TUSC3: variants seen among roughly 807,000 people sequenced by gnomAD.
The protein encoded by TUSC3 is tumor suppressor candidate 3, also known as dolichyl-diphosphooligosaccharide--protein glycosyltransferase subunit TUSC3.
Under a neutral mutation model 44.8 loss-of-function variants are expected in TUSC3, and 45 were observed. That is an observed-to-expected ratio of 1.00 (90% CI 0.79 to 1.29). TUSC3 has a LOEUF of 1.29. Ranked by LOEUF, TUSC3 falls within the 50% of genes most tolerant of loss-of-function variation. The probability of loss-of-function intolerance (pLI) is 0.00; values close to 1 mark genes in which losing one functional copy is unlikely to be tolerated. For synonymous variants in TUSC3, 212 were observed against 152.9 expected, an observed-to-expected ratio of 1.39 and a Z score of -2.85; for missense variants, 519 against 437.9, an observed-to-expected ratio of 1.19 and a Z score of -1.65.
intron 2 of TUSC3, among the ~76,000 whole-genome samples, chr8:15,514,593 C>A (rs113357457): frequency 8.5e-5 from 13 of 152,176 alleles, no homozygotes; most frequent in African/African-American, 3.1e-4. Flanking sequence ...ATTCTAGATG[C>A]ATAATTGCAA....
chr8:15,575,381 G>T lies in TUSC3; in HGVS notation c.138+34813G>T, dbSNP rs537381170. ...TCAAGTCAAATGGAATTTTTATGTG[G>T]CAACTAATTTAAATATTAAACTAAA... On this transcript the variant is annotated intron_variant, in intron 1 of 10. Coordinates refer to ENST00000503731, the MANE Select transcript of TUSC3 (RefSeq NM_006765.4). 9.5e-4 allele frequency among the ~76,000 whole-genome samples: 144 copies of T among 152,186 alleles called. 1 individual carries two copies. The highest frequency in any genetic ancestry group is 3.3e-3 in the African/African-American group (139 of 41,504).
chr8:15,751,235 A>G (rs937423384), intron 9 of TUSC3, among the ~76,000 whole-genome samples: 3 of 152,154 alleles, frequency 2.0e-5, no homozygotes, highest in African/African-American at 7.2e-5. Flanking sequence ...GATATGGAGA[A>G]GCAAGGAAGA....
At chr8:15,662,095 A>G in intron 4 of TUSC3, 61 bp from the exon 5 acceptor site, 2 of 1,590,022 alleles carry the variant, frequency 1.3e-6, no homozygotes, top group Non-Finnish European at 1.7e-6. Context: ...GGACTAGAAT[A>G]TGATCAAAAG....
At chr8:15,459,842 G>A (rs890439599) in intron 1 of TUSC3, among the ~76,000 whole-genome samples, 1 of 147,962 alleles carries the variant, frequency 6.8e-6, no homozygotes, top group African/African-American at 2.6e-5. Context: ...TTGTGTGTGT[G>A]TGTGTGTGTG....
rs369950303 is a variant in TUSC3, at chr8:15,721,819, T to G, written c.799-8847T>G. The stretch of plus-strand genomic sequence containing the variant: ...GTTTATGTTTAGAAGAAACTTCATC[T>G]AGGTTATATTTTTGTTGTCTCAACA... On this transcript the variant is annotated intron_variant, in intron 6 of 10. Coordinates refer to ENST00000503731, the MANE Select transcript of TUSC3 (RefSeq NM_006765.4). Among the ~76,000 whole-genome samples, 5 of 152,192 alleles carry G rather than the reference T, an allele frequency of 3.3e-5. No individual in the cohort carries two copies. In the South Asian group the frequency reaches 8.3e-4, roughly 25 times the overall value.
At chr8:15,709,821 C>T (rs1161920892) in intron 6 of TUSC3, among the ~76,000 whole-genome samples, 1 of 151,792 alleles carries the variant, frequency 6.6e-6, no homozygotes, top group African/African-American at 2.4e-5. Flanking sequence ...CTGCGTAGTC[C>T]AGATTCCTCA....
chr8:15,687,497 T>C (rs1808687354), intron 6 of TUSC3, among the ~76,000 whole-genome samples: 1 of 152,238 alleles, frequency 6.6e-6, no homozygotes, highest in Admixed American at 6.5e-5. Flanking sequence ...TAGTTAGCTT[T>C]GGTAGAACTC....
intron 6 of TUSC3, among the ~76,000 whole-genome samples, chr8:15,689,821 GGTGTGTGTGTGTGTGTGTGTGTGTGTGT>G (rs71543657): frequency 7.6e-6 from 1 of 131,022 alleles, no homozygotes; most frequent in Non-Finnish European, 1.6e-5. Flanking sequence ...AATAGTCCAT[GGTGTGTGTGTGTGTGTGTGTGTGTGTGT>G]GTGTGTGTGT....
chr8:15,798,608 C>A, the TUSC3 span, among the ~76,000 whole-genome samples: 1 of 151,012 alleles, frequency 6.6e-6, no homozygotes, highest in Non-Finnish European at 1.5e-5. Flanking sequence ...ACCAAAGGAA[C>A]TGCAAATTTG....
At chr8:15,547,746 C>A (rs1406489105) in intron 1 of TUSC3, among the ~76,000 whole-genome samples, 2 of 151,330 alleles carry the variant, frequency 1.3e-5, no homozygotes, top group African/African-American at 4.8e-5. Flanking sequence ...AAATAGGACC[C>A]CAGAGAGCTC....
chr8:15,829,333 T>A, the TUSC3 span, among the ~76,000 whole-genome samples: 1 of 152,210 alleles, frequency 6.6e-6, no homozygotes, highest in Non-Finnish European at 1.5e-5. Context: ...TATGTATACT[T>A]TTAGTTTTGA....
chr8:15,591,660 G>A (rs1307336661), intron 1 of TUSC3, among the ~76,000 whole-genome samples: 3 of 152,174 alleles, frequency 2.0e-5, no homozygotes, highest in African/African-American at 7.2e-5. Flanking sequence ...GACTTGTGGA[G>A]TCCACATTTC....
At chr8:15,477,711 ACT>A (rs1800598466) in intron 1 of TUSC3, among the ~76,000 whole-genome samples, 2 of 152,126 alleles carry the variant, frequency 1.3e-5, no homozygotes, top group African/African-American at 4.8e-5. Context: ...ACAGAGTGAG[ACT>A]CTGTCTCAAA....
the TUSC3 span, among the ~76,000 whole-genome samples, chr8:15,839,747 G>A: frequency 1.1e-3 from 170 of 152,260 alleles, no homozygotes; most frequent in Non-Finnish European, 2.2e-3. Flanking sequence ...GAGAGGATGT[G>A]GAGAAATAGG....
At chr8:15,750,859 G>C (rs183468774) in intron 9 of TUSC3, among the ~76,000 whole-genome samples, 1 of 152,150 alleles carries the variant, frequency 6.6e-6, no homozygotes, top group Non-Finnish European at 1.5e-5. Context: ...TGAAACTCTT[G>C]TAAGAAGTCA....
At position 15,673,829 on chromosome 8, in the gene TUSC3, G is replaced by C; in HGVS notation, c.791G>C (p.Gly264Ala). 6.2e-7 allele frequency: 1 copy of C among 1,611,778 alleles called. No individual in the cohort carries two copies. The highest frequency in any genetic ancestry group is 8.5e-7 in the Non-Finnish European group (1 of 1,178,350). ...TATGCTCATAAGAACCCACACAATG[G>C]ACAAGTGGTAAGTGTAATTTATAAG... ...PPYAHKNPHN[G>A]QVSYIHGSSQ... Residue 264 changes from glycine (G) to alanine (A), a missense_variant, in exon 6 of 11, where the codon GGA becomes GCA. Physicochemically the swap from Gly to Ala is moderately conservative, Grantham distance 60. Coordinates refer to ENST00000503731, the MANE Select transcript of TUSC3 (RefSeq NM_006765.4).
chr8:15,673,791 C>T lies in TUSC3; in HGVS notation c.753C>T (p.Ile251=). The change falls in exon 6 of 11, where the codon ATC becomes ATT. Residue 251 remains isoleucine, a synonymous_variant. Transcript: ENST00000503731. ...CTTCTGGCCAGATGTGGAACCATAT[C>T]CGTGGACCTCCATATGCTCATAAGA... ...AMTSGQMWNH[I]RGPPYAHKNP... The T allele has an allele frequency of 6.2e-7, 1 of 1,612,788 alleles. No individual in the cohort carries two copies. Among genetic ancestry groups the T allele is most frequent in the Non-Finnish European group, 8.5e-7 (1 of 1,179,144 alleles).
intron 1 of TUSC3, among the ~76,000 whole-genome samples, chr8:15,545,675 A>T (rs551312291): frequency 6.6e-6 from 1 of 151,850 alleles, no homozygotes; most frequent in South Asian, 2.1e-4. Context: ...GTTTAGTCCC[A>T]TATATGTGCC....
intron 1 of TUSC3, among the ~76,000 whole-genome samples, chr8:15,447,437 T>G (rs1019697726): frequency 6.6e-6 from 1 of 152,166 alleles, no homozygotes; most frequent in Non-Finnish European, 1.5e-5. Context: ...TTAAATTACT[T>G]CATTATGAAA....
Sources: gnomAD v4.1 joint callset for allele counts (sites outside exome capture counted in the v4.1 genomes callset) on GRCh38, gnomAD v4.1.1 for gene constraint, MANE v1.5 for transcripts, NCBI Gene and HGNC (gene_info 2026-07-23, HGNC 2026-07-21) for gene names.